PPFIBP1: variants seen among roughly 807,000 people sequenced by gnomAD.
PPFIBP1 encodes the protein liprin-beta-1.
In PPFIBP1, 112 loss-of-function variants were observed where a neutral mutation model predicts 137.8. The observed-to-expected ratio is 0.81, with a 90% CI of 0.70 to 0.95. PPFIBP1 has a LOEUF of 0.95. Among genes scored for constraint, PPFIBP1 ranks in the 40% least tolerant of loss-of-function variants. The pLI, the probability that PPFIBP1 is intolerant of heterozygous loss-of-function variation, is 0.00. For missense variants in PPFIBP1, 1,083 were observed against 1,196.6 expected, an observed-to-expected ratio of 0.91 and a Z score of 1.40; for synonymous variants, 378 against 417.3, an observed-to-expected ratio of 0.91 and a Z score of 1.15.
rs2059372177 is a variant in PPFIBP1 at position 27,658,851 on chromosome 12, A to G, written c.844+3A>G. The stretch of plus-strand genomic sequence containing the variant: ...TAAAAAGAAGCTCAAAGAAAAAAGT[A>G]AGGTTTGGTGCATTTCCATCAGCCT... On this transcript the variant is annotated splice_donor_region_variant and intron_variant, in intron 10 of 29. Transcript: ENST00000228425. 1 of 1,612,632 alleles carries G rather than the reference A, an allele frequency of 6.2e-7. No individual in the cohort carries two copies. The highest frequency in any genetic ancestry group is 8.5e-7 in the Non-Finnish European group (1 of 1,178,878).
chr12:27,660,138 C>T (rs2059451485), intron 10 of PPFIBP1, among the ~76,000 whole-genome samples: 1 of 152,056 alleles, frequency 6.6e-6, no homozygotes, highest in African/African-American at 2.4e-5. Context: ...GCAGTCCTCC[C>T]ACCTTGGCCT....
intron 1 of PPFIBP1, among the ~76,000 whole-genome samples, chr12:27,571,550 T>C (rs1396156108): frequency 1.3e-5 from 2 of 152,174 alleles, no homozygotes; most frequent in Non-Finnish European, 2.9e-5. Context: ...CTATTCCATG[T>C]GGGGCATTTT....
chr12:27,602,434 C>T (rs2054097852), intron 2 of PPFIBP1, among the ~76,000 whole-genome samples: 1 of 152,134 alleles, frequency 6.6e-6, no homozygotes, highest in Admixed American at 6.5e-5. Context: ...TGTGTGAAAT[C>T]TATATTGTAG....
intron 1 of PPFIBP1, among the ~76,000 whole-genome samples, chr12:27,536,878 A>G (rs1300070957): frequency 6.6e-6 from 1 of 152,286 alleles, no homozygotes; most frequent in East Asian, 1.9e-4. Context: ...CAGAAGTCAA[A>G]GAGCTCACTT....
intron 1 of PPFIBP1, chr12:27,546,930 A>C (rs574088985): frequency 6.6e-6 from 1 of 152,328 alleles, no homozygotes; most frequent in Admixed American, 6.5e-5. Context: ...TGGGCTCAGG[A>C]GGTTGAGGCT....
chr12:27,692,673 A>C lies in PPFIBP1; in HGVS notation c.2931+17A>C. ...AATCTGACGGTGAGTTTGTGAAATG[A>C]ATTGAAAATGTTATTCTATAAATGT... On this transcript the variant is annotated intron_variant, in intron 29 of 29. Coordinates refer to ENST00000228425, the MANE Select transcript of PPFIBP1 (RefSeq NM_003622.4). 1 of 1,614,064 alleles carries C rather than the reference A, an allele frequency of 6.2e-7. No homozygotes were observed. The highest frequency in any genetic ancestry group is 8.5e-7 in the Non-Finnish European group (1 of 1,179,914).
Position 27,575,760 on chromosome 12 carries a change from GCTTA to G in PPFIBP1, c.-123-2388_-123-2385del, listed in dbSNP as rs561665147. ...TTGCATGGGTTTGGATTTTTTTATG[GCTTA>G]CTTTTCAGTTCGATAATGTGTTCTT... On this transcript the variant is annotated intron_variant, in intron 1 of 29. Coordinates refer to ENST00000228425, the MANE Select transcript of PPFIBP1 (RefSeq NM_003622.4). Among the ~76,000 whole-genome samples the G allele has an allele frequency of 2.0e-3, 300 of 152,140 alleles. 1 individual carries two copies. Among genetic ancestry groups the G allele is most frequent in the African/African-American group, 6.9e-3 (286 of 41,526 alleles).
At chr12:27,540,365 A>T (rs1422251432) in intron 1 of PPFIBP1, among the ~76,000 whole-genome samples, 1 of 152,068 alleles carries the variant, frequency 6.6e-6, no homozygotes, top group Non-Finnish European at 1.5e-5. Context: ...CGAGAAAGCC[A>T]TCCCAAAGAC....
At chr12:27,677,383 T>C (rs2060586642) in intron 19 of PPFIBP1, 2 of 499,216 alleles carry the variant, frequency 4.0e-6, no homozygotes, top group African/African-American at 3.8e-5. Flanking sequence ...AGGAATGTCC[T>C]GGCATTGTAC....
At chr12:27,565,438 C>T (rs2049561754) in intron 1 of PPFIBP1, among the ~76,000 whole-genome samples, 1 of 152,206 alleles carries the variant, frequency 6.6e-6, no homozygotes, top group African/African-American at 2.4e-5. Context: ...CATCTGGGAG[C>T]TAGTCATCTT....
At chr12:27,595,374 GGAGACGT>G (rs2053088401) in intron 2 of PPFIBP1, among the ~76,000 whole-genome samples, 1 of 152,168 alleles carries the variant, frequency 6.6e-6, no homozygotes, top group South Asian at 2.1e-4. Flanking sequence ...GGCAAGAAGG[GGAGACGT>G]GAGAAATCCT....
At chr12:27,677,187 A>G (rs757011011) in intron 19 of PPFIBP1, 91 bp downstream of exon 19, 17 of 1,462,886 alleles carry the variant, frequency 1.2e-5, no homozygotes, top group Non-Finnish European at 1.6e-5. Flanking sequence ...CTAGAAAGCG[A>G]TCTGACAGCA....
rs537298015 is a variant in PPFIBP1, at chr12:27,528,138, G to A, written c.-124+3773G>A. On this transcript the variant is annotated intron_variant, in intron 1 of 29. Transcript: ENST00000228425. ...TAATTTTTGTATTTTTAGTAGAGACGGGGTTTCACCATGTTAGCCAGGCTG... is the reference window on the plus strand; with the variant it reads ...TAATTTTTGTATTTTTAGTAGAGACAGGGTTTCACCATGTTAGCCAGGCTG... Among the ~76,000 whole-genome samples the A allele has an allele frequency of 9.1e-4, 138 of 152,044 alleles. 2 individuals are homozygous for A. Among genetic ancestry groups the A allele is most frequent in the East Asian group, 5.8e-4 (3 of 5,184 alleles).
intron 17 of PPFIBP1, 71 bp downstream of exon 17, chr12:27,674,292 C>A (rs1246286644): frequency 4.2e-6 from 5 of 1,188,122 alleles, no homozygotes; most frequent in Non-Finnish European, 6.0e-6. Context: ...TTAAATGTCT[C>A]CAGTAGATAA....
chr12:27,624,652 G>T, intron 2 of PPFIBP1, among the ~76,000 whole-genome samples: 1 of 152,202 alleles, frequency 6.6e-6, no homozygotes, highest in East Asian at 1.9e-4. Context: ...GTGAACAAGA[G>T]AAGTAACTTT....
At chr12:27,659,545 C>T (rs558501053) in intron 10 of PPFIBP1, among the ~76,000 whole-genome samples, 4 of 151,948 alleles carry the variant, frequency 2.6e-5, no homozygotes, top group African/African-American at 9.7e-5. Flanking sequence ...CCCCAGGCAT[C>T]TAGGAGTTTG....
At chr12:27,590,579 C>G (rs1288726127) in intron 2 of PPFIBP1, among the ~76,000 whole-genome samples, 1 of 152,098 alleles carries the variant, frequency 6.6e-6, no homozygotes, top group Non-Finnish European at 1.5e-5. Flanking sequence ...CTGAAAAGTA[C>G]AAATCATGGC....
chr12:27,616,956 A>T (rs2055827372), intron 2 of PPFIBP1, among the ~76,000 whole-genome samples: 1 of 152,248 alleles, frequency 6.6e-6, no homozygotes, highest in South Asian at 2.1e-4. Flanking sequence ...CTTGAGTAAC[A>T]TTAAGTGCCC....
At chr12:27,663,904 T>C (rs2059699742) in intron 11 of PPFIBP1, among the ~76,000 whole-genome samples, 2 of 151,800 alleles carry the variant, frequency 1.3e-5, no homozygotes, top group Admixed American at 6.6e-5. Context: ...GAGGTCACCT[T>C]GGTAGAGTGT....
Sources: allele counts gnomAD v4.1 joint callset (sites outside exome capture counted in the v4.1 genomes callset), GRCh38; gene constraint gnomAD v4.1.1; transcripts MANE v1.5; gene names NCBI Gene and HGNC (gene_info 2026-07-23, HGNC 2026-07-21).